Variants in IGSF5 observed in about 807,000 individuals in gnomAD.
IGSF5 encodes the protein immunoglobulin superfamily member 5, also known as immunoglobulin superfamily 5 like.
Under a neutral mutation model 39.4 loss-of-function variants are expected in IGSF5, and 41 were observed. That is an observed-to-expected ratio of 1.04 (90% CI 0.81 to 1.35). IGSF5 has a LOEUF of 1.35. Ranked by LOEUF, IGSF5 falls within the 40% of genes most tolerant of loss-of-function variation. The pLI is 0.00. For missense variants in IGSF5, 487 were observed against 494.6 expected, an observed-to-expected ratio of 0.98 and a Z score of 0.15; for synonymous variants, 183 against 175.3, an observed-to-expected ratio of 1.04 and a Z score of -0.34.
chr21:39,787,720 A>C (rs556569273), intron 5 of IGSF5, among the ~76,000 whole-genome samples: 1 of 152,264 alleles, frequency 6.6e-6, no homozygotes, highest in South Asian at 2.1e-4. Context: ...CTTTTGAGTT[A>C]TTATAACAGT....
At chr21:39,762,193 C>T (rs970477277) in intron 2 of IGSF5, among the ~76,000 whole-genome samples, 1 of 152,158 alleles carries the variant, frequency 6.6e-6, no homozygotes, top group Non-Finnish European at 1.5e-5. Context: ...AAGAGTCAAA[C>T]TTCGTAAAGT....
chr21:39,798,978 A>G (rs1037273440), intron 8 of IGSF5, among the ~76,000 whole-genome samples: 1 of 152,202 alleles, frequency 6.6e-6, no homozygotes, highest in Non-Finnish European at 1.5e-5. Context: ...TTTGACCACC[A>G]AAGGCCAGAC....
intron 5 of IGSF5, among the ~76,000 whole-genome samples, chr21:39,787,368 T>G (rs2146291500): frequency 6.6e-6 from 1 of 152,232 alleles, no homozygotes; most frequent in Admixed American, 6.5e-5. Context: ...ATTTAAAAAA[T>G]CTTAATCAAG....
chr21:39,712,364 A>C, the IGSF5 span, among the ~76,000 whole-genome samples: 1 of 152,258 alleles, frequency 6.6e-6, no homozygotes, highest in Non-Finnish European at 1.5e-5. Context: ...TGCAGGATTC[A>C]CGTGGGTGGA....
At chr21:39,753,201 T>C (rs2080014131) in intron 2 of IGSF5, among the ~76,000 whole-genome samples, 1 of 152,198 alleles carries the variant, frequency 6.6e-6, no homozygotes, top group African/African-American at 2.4e-5. Flanking sequence ...GTTTCATTCT[T>C]CTATGTGTGG....
At chr21:39,728,368 G>A in the IGSF5 span, among the ~76,000 whole-genome samples, 1 of 152,202 alleles carries the variant, frequency 6.6e-6, no homozygotes, top group South Asian at 2.1e-4. Context: ...ACAGAGACAG[G>A]GATTGGAGTG....
intron 3 of IGSF5, among the ~76,000 whole-genome samples, chr21:39,768,281 G>A (rs1294661964): frequency 6.6e-6 from 1 of 152,150 alleles, no homozygotes; most frequent in Non-Finnish European, 1.5e-5. Flanking sequence ...CCTCAAGGGA[G>A]AAAGAATCTT....
chr21:39,773,477 T>TCTGTTTTTTTC (rs1555943402), intron 4 of IGSF5, among the ~76,000 whole-genome samples: 2 of 59,312 alleles, frequency 3.4e-5, no homozygotes, highest in African/African-American at 8.2e-5. Flanking sequence ...TTCTTCCTTT[T>TCTGTTTTTTTC]CTTTTTTTTT....
At chr21:39,715,926 A>T in the IGSF5 span, among the ~76,000 whole-genome samples, 12 of 152,140 alleles carry the variant, frequency 7.9e-5, no homozygotes, top group African/African-American at 2.9e-4. Context: ...CAACCCGGGG[A>T]TGTTATTAAA....
intron 5 of IGSF5, among the ~76,000 whole-genome samples, chr21:39,781,268 G>C (rs1571713): frequency 6.6e-6 from 1 of 152,008 alleles, no homozygotes; most frequent in South Asian, 2.1e-4. Context: ...TTCCCTTACA[G>C]TATATCCTGG....
At chr21:39,756,706 A>G (rs1238450170) in intron 2 of IGSF5, among the ~76,000 whole-genome samples, 2 of 152,172 alleles carry the variant, frequency 1.3e-5, no homozygotes, top group African/African-American at 4.8e-5. Flanking sequence ...CGGGTGGTTC[A>G]TGACATGTTC....
Position 39,771,170 on chromosome 21 carries a change from C to T in IGSF5, c.673C>T (p.Arg225Cys), listed in dbSNP as rs201650803. ...GGCTACCTGGAAGAGCCTGAAGGCC[C>T]GCAAGTCTGCAACTGTAAATCTCAC... ...CVATWKSLKA[R>C]KSATVNLTVI... The change falls in exon 4 of 9, where the codon CGC (arginine) becomes TGC (cysteine). Residue 225 changes from arginine to cysteine, a missense_variant. Arg to Cys is a radical substitution (Grantham distance 180, BLOSUM62 -3). Coordinates refer to ENST00000380588, the MANE Select transcript of IGSF5 (RefSeq NM_001080444.2). 1.2e-4 allele frequency: 187 copies of T among 1,599,172 alleles called. No individual in the cohort carries two copies. Among genetic ancestry groups the T allele is most frequent in the Non-Finnish European group, 1.5e-4 (171 of 1,171,216 alleles).
the IGSF5 span, chr21:39,725,791 A>C: frequency 6.6e-6 from 1 of 152,180 alleles, no homozygotes; most frequent in African/African-American, 2.4e-5. Flanking sequence ...GCTTAGGAGG[A>C]GGCCTAATTA....
At chr21:39,778,840 C>T (rs1443969481) in intron 4 of IGSF5, among the ~76,000 whole-genome samples, 2 of 152,192 alleles carry the variant, frequency 1.3e-5, no homozygotes, top group African/African-American at 4.8e-5. Context: ...ATATTAGAGA[C>T]ATTAAACAAG....
At chr21:39,724,833 G>A in the IGSF5 span, among the ~76,000 whole-genome samples, 1 of 152,182 alleles carries the variant, frequency 6.6e-6, no homozygotes, top group Admixed American at 6.5e-5. Flanking sequence ...GATGGCAGAG[G>A]AGAAAGATGA....
At chr21:39,715,840 C>T in the IGSF5 span, among the ~76,000 whole-genome samples, 1 of 147,018 alleles carries the variant, frequency 6.8e-6, no homozygotes, top group African/African-American at 2.5e-5. Context: ...GAGAATTCAC[C>T]GGATTACTGA....
intron 4 of IGSF5, 48 bp downstream of exon 4, chr21:39,771,263 C>T: frequency 6.9e-7 from 1 of 1,441,444 alleles, no homozygotes; most frequent in Non-Finnish European, 9.3e-7. Context: ...TTATTTCATG[C>T]TTCAATATTA....
chr21:39,772,983 CTTTTA>C (rs925149460), intron 4 of IGSF5, among the ~76,000 whole-genome samples: 4 of 152,094 alleles, frequency 2.6e-5, no homozygotes, highest in Non-Finnish European at 4.4e-5. Flanking sequence ...TTTAAAAAAA[CTTTTA>C]TTTTAGGTTC....
intron 8 of IGSF5, among the ~76,000 whole-genome samples, chr21:39,796,954 C>T (rs765838760): frequency 2.6e-5 from 4 of 152,282 alleles, no homozygotes; most frequent in East Asian, 1.9e-4. Flanking sequence ...GTGAACAGGA[C>T]GGCAACTGCT....
Sources: allele counts gnomAD v4.1 joint callset (sites outside exome capture counted in the v4.1 genomes callset), GRCh38; gene constraint gnomAD v4.1.1; transcripts MANE v1.5; gene names NCBI Gene and HGNC (gene_info 2026-07-23, HGNC 2026-07-21).